Variants in SLC24A3 observed in about 807,000 individuals in gnomAD.
SLC24A3 encodes the protein sodium/potassium/calcium exchanger 3.
In SLC24A3, 28 loss-of-function variants were observed where a neutral mutation model predicts 75.8. The observed-to-expected ratio is 0.37, with a 90% confidence interval of 0.27 to 0.51. The LOEUF is 0.51. Ranked by LOEUF, SLC24A3 falls within the 20% of genes least tolerant of loss-of-function variation. The pLI is 0.94. For missense variants in SLC24A3, 663 were observed against 847.8 expected (o/e 0.78, Z 2.71); for synonymous variants, 372 against 334.1 (o/e 1.11, Z -1.24).
intron 15 of SLC24A3, among the ~76,000 whole-genome samples, chr20:19,713,426 G>A (rs2033010412): frequency 6.6e-6 from 1 of 152,190 alleles, no homozygotes; most frequent in Non-Finnish European, 1.5e-5. Flanking sequence ...CCAGGGAGTG[G>A]CATCCGGGGT....
chr20:19,464,718 G>A (rs573455342), intron 2 of SLC24A3, among the ~76,000 whole-genome samples: 1 of 152,292 alleles, frequency 6.6e-6, no homozygotes, highest in Admixed American at 6.5e-5. Context: ...TTTTTAGCAA[G>A]CCTTTAAGTA....
chr20:19,576,192 G>GATT (rs1326267305), intron 3 of SLC24A3, among the ~76,000 whole-genome samples: 4 of 151,952 alleles, frequency 2.6e-5, no homozygotes, highest in East Asian at 3.9e-4. Context: ...TGGCAAATGT[G>GATT]ATTATTATTA....
chr20:19,586,966 T>TA (rs1222332311), intron 6 of SLC24A3, among the ~76,000 whole-genome samples: 1 of 152,152 alleles, frequency 6.6e-6, no homozygotes, highest in East Asian at 1.9e-4. Flanking sequence ...AGTATTTTTT[T>TA]AAAAAATGAG....
intron 1 of SLC24A3, among the ~76,000 whole-genome samples, chr20:19,250,134 TG>T (rs1293915849): frequency 6.6e-6 from 1 of 152,208 alleles, no homozygotes; most frequent in Non-Finnish European, 1.5e-5. Flanking sequence ...AGCTCAGCAC[TG>T]GGTGCTGGCA....
At chr20:19,326,442 C>T (rs578135537) in intron 2 of SLC24A3, among the ~76,000 whole-genome samples, 2 of 152,288 alleles carry the variant, frequency 1.3e-5, no homozygotes, top group African/African-American at 4.8e-5. Context: ...TTGGCCAAAT[C>T]CACCTGGAAG....
At chr20:19,640,410 T>C (rs2032062596) in intron 6 of SLC24A3, among the ~76,000 whole-genome samples, 3 of 152,190 alleles carry the variant, frequency 2.0e-5, no homozygotes, top group Non-Finnish European at 4.4e-5. Context: ...ACTTTTATTT[T>C]ATACTCAGTT....
At chr20:19,252,759 C>T (rs1169668009) in intron 1 of SLC24A3, among the ~76,000 whole-genome samples, 4 of 152,046 alleles carry the variant, frequency 2.6e-5, no homozygotes, top group Middle Eastern at 3.4e-3. Context: ...GGAATAACTC[C>T]GCAGATCTTA....
chr20:19,546,120 C>T (rs1468252334), intron 3 of SLC24A3, among the ~76,000 whole-genome samples: 8 of 126,838 alleles, frequency 6.3e-5, no homozygotes, highest in African/African-American at 2.1e-4. Context: ...GATTGTGCCA[C>T]TGCACTTCAG....
chr20:19,277,380 A>T (rs536146468), intron 1 of SLC24A3, among the ~76,000 whole-genome samples: 117 of 152,370 alleles, frequency 7.7e-4, no homozygotes, highest in Non-Finnish European at 1.3e-3. Flanking sequence ...ATGATAGTTG[A>T]TGTAGCCACG....
intron 3 of SLC24A3, among the ~76,000 whole-genome samples, chr20:19,577,154 A>T (rs1044451283): frequency 1.3e-5 from 2 of 151,652 alleles, no homozygotes; most frequent in African/African-American, 4.9e-5. Flanking sequence ...TCCCAGGTTC[A>T]TGCCATTCTC....
intron 2 of SLC24A3, among the ~76,000 whole-genome samples, chr20:19,354,608 GTGTGTGTGTGTGTGTA>G (rs1165092967): frequency 2.8e-5 from 4 of 141,336 alleles, no homozygotes; most frequent in Admixed American, 7.0e-5. Flanking sequence ...GTGTGTGTGT[GTGTGTGTGTGTGTGTA>G]TGTGTGTATG....
chr20:19,254,054 G>T (rs1982738837), intron 1 of SLC24A3, among the ~76,000 whole-genome samples: 1 of 152,206 alleles, frequency 6.6e-6, no homozygotes, highest in Non-Finnish European at 1.5e-5. Context: ...AGGTCTTCTG[G>T]TTTTTAAGAG....
chr20:19,272,185 T>G (rs575783370), intron 1 of SLC24A3, among the ~76,000 whole-genome samples: 1 of 152,350 alleles, frequency 6.6e-6, no homozygotes, highest in African/African-American at 2.4e-5. Flanking sequence ...GCCAGGCACT[T>G]GCAGGCTCTG....
At chr20:19,536,990 C>T (rs1404058472) in intron 3 of SLC24A3, among the ~76,000 whole-genome samples, 1 of 152,074 alleles carries the variant, frequency 6.6e-6, no homozygotes, top group East Asian at 1.9e-4. Flanking sequence ...TATAAAACAC[C>T]AAAAGCAATG....
intron 2 of SLC24A3, among the ~76,000 whole-genome samples, chr20:19,338,119 G>T (rs766344732): frequency 1.3e-5 from 2 of 152,218 alleles, no homozygotes; most frequent in Non-Finnish European, 2.9e-5. Flanking sequence ...CCTTCACCAA[G>T]ATGGTAAAAA....
chr20:19,585,809 G>T (rs1232600946), intron 6 of SLC24A3, among the ~76,000 whole-genome samples: 1 of 152,182 alleles, frequency 6.6e-6, no homozygotes, highest in African/African-American at 2.4e-5. Flanking sequence ...AAAGATGTGG[G>T]TTACAATCTG....
intron 6 of SLC24A3, among the ~76,000 whole-genome samples, chr20:19,649,770 A>G (rs951084832): frequency 4.6e-5 from 7 of 152,186 alleles, no homozygotes; most frequent in African/African-American, 1.7e-4. Context: ...ATTGTAGTAT[A>G]GTGTCTGGGA....
At chr20:19,300,201 G>A (rs1343163713) in intron 2 of SLC24A3, among the ~76,000 whole-genome samples, 2 of 152,174 alleles carry the variant, frequency 1.3e-5, no homozygotes, top group African/African-American at 4.8e-5. Flanking sequence ...GAATATGGCT[G>A]GCCTCTGTGA....
chr20:19,511,906 G>C (rs2029892669), intron 2 of SLC24A3, among the ~76,000 whole-genome samples: 1 of 152,132 alleles, frequency 6.6e-6, no homozygotes, highest in African/African-American at 2.4e-5. Flanking sequence ...CATCAAATAA[G>C]ACTCTTTGTT....
Sources: gnomAD v4.1 joint callset for allele counts (sites outside exome capture counted in the v4.1 genomes callset) on GRCh38, gnomAD v4.1.1 for gene constraint, MANE v1.5 for transcripts, NCBI Gene and HGNC (gene_info 2026-07-23, HGNC 2026-07-21) for gene names.